The following SLIT3 variants were observed in gnomAD, a reference collection of about 807,000 sequenced individuals.
SLIT3 encodes slit guidance ligand 3, also known as slit homolog 3 protein.
SLIT3 carries 68 observed loss-of-function variants against 184.0 expected under a neutral mutation model. The ratio of observed to expected loss-of-function variants is 0.37; its 90% CI spans 0.30 to 0.45. The LOEUF is 0.45. Ranked by LOEUF, SLIT3 falls within the 20% of genes least tolerant of loss-of-function variation. SLIT3 has a pLI of 1.00. For missense variants in SLIT3, 1,707 were observed against 2,026.0 expected (o/e 0.84, Z 3.02); for synonymous variants, 831 against 828.6 (o/e 1.00, Z -0.05).
intron 4 of SLIT3, among the ~76,000 whole-genome samples, chr5:168,988,886 C>T (rs1755222585): frequency 6.6e-6 from 1 of 152,192 alleles, no homozygotes; most frequent in Non-Finnish European, 1.5e-5. Context: ...GCACACCACT[C>T]TCCCCATCTC....
intron 4 of SLIT3, among the ~76,000 whole-genome samples, chr5:168,922,758 T>C (rs1761680952): frequency 6.6e-6 from 1 of 152,050 alleles, no homozygotes; most frequent in African/African-American, 2.4e-5. Context: ...TATCAACTGA[T>C]GATAAGGGAG....
intron 20 of SLIT3, among the ~76,000 whole-genome samples, chr5:168,732,824 G>A (rs1763327454): frequency 6.6e-6 from 1 of 152,074 alleles, no homozygotes; most frequent in South Asian, 2.1e-4. Context: ...AACTCACAAT[G>A]AATTAAAGGC....
At chr5:169,115,902 G>A (rs534009683) in intron 4 of SLIT3, among the ~76,000 whole-genome samples, 1 of 152,294 alleles carries the variant, frequency 6.6e-6, no homozygotes, top group South Asian at 2.1e-4. Flanking sequence ...GGGCCACCCA[G>A]CATATCAGGC....
intron 1 of SLIT3, among the ~76,000 whole-genome samples, chr5:169,277,672 G>GT (rs566825750): frequency 1.9e-3 from 294 of 152,244 alleles, no homozygotes; most frequent in Non-Finnish European, 3.8e-3. Flanking sequence ...GACACTTGGG[G>GT]TTTTTTTCCA....
intron 4 of SLIT3, among the ~76,000 whole-genome samples, chr5:169,173,451 C>T (rs4868339): frequency 0.094 from 14,275 of 152,154 alleles, 839 homozygotes; most frequent in South Asian, 0.15. Flanking sequence ...AGAATTCCAT[C>T]GAGTCCCTCC....
intron 4 of SLIT3, among the ~76,000 whole-genome samples, chr5:169,011,503 G>GTGATTTATGGAGA (rs1756152006): frequency 6.6e-6 from 1 of 152,152 alleles, no homozygotes; most frequent in Non-Finnish European, 1.5e-5. Context: ...ATTTATGGAG[G>GTGATTTATGGAGA]TGATTTATGG....
At chr5:168,885,949 A>C (rs1328739544) in intron 4 of SLIT3, among the ~76,000 whole-genome samples, 4 of 152,314 alleles carry the variant, frequency 2.6e-5, no homozygotes, top group Admixed American at 2.0e-4. Flanking sequence ...CCACACAGGC[A>C]AAATCCTGCA....
At chr5:169,226,362 C>T (rs1045874658) in intron 3 of SLIT3, among the ~76,000 whole-genome samples, 4 of 152,078 alleles carry the variant, frequency 2.6e-5, no homozygotes, top group African/African-American at 9.7e-5. Context: ...ACCCTTCCCA[C>T]TTCCAGGATT....
intron 4 of SLIT3, among the ~76,000 whole-genome samples, chr5:168,943,285 C>T (rs1762378951): frequency 6.6e-6 from 1 of 152,126 alleles, no homozygotes; most frequent in Non-Finnish European, 1.5e-5. Flanking sequence ...GTAAAATTTT[C>T]CCGAGTTCAA....
chr5:168,706,430 G>A (rs2113301426), intron 26 of SLIT3: 1 of 152,192 alleles, frequency 6.6e-6, no homozygotes, highest in African/African-American at 2.4e-5. Flanking sequence ...TCCATACAAG[G>A]GAGTTTGAGA....
intron 4 of SLIT3, among the ~76,000 whole-genome samples, chr5:168,937,823 C>G (rs1762207511): frequency 6.6e-6 from 1 of 152,158 alleles, no homozygotes; most frequent in African/African-American, 2.4e-5. Context: ...TGGTGCCTAG[C>G]ACAGCACGTG....
intron 4 of SLIT3, among the ~76,000 whole-genome samples, chr5:169,152,753 A>G (rs1389516534): frequency 6.6e-6 from 1 of 152,184 alleles, no homozygotes; most frequent in Non-Finnish European, 1.5e-5. Flanking sequence ...ACTCAGAAAT[A>G]TAGGGAATAA....
intron 4 of SLIT3, among the ~76,000 whole-genome samples, chr5:168,973,475 G>A (rs1449806401): frequency 2.6e-5 from 4 of 152,092 alleles, no homozygotes; most frequent in East Asian, 1.9e-4. Context: ...CTTGAACTCC[G>A]ATCTCAGGTG....
chr5:169,170,353 CAAGG>C (rs1762778277), intron 4 of SLIT3, among the ~76,000 whole-genome samples: 1 of 152,116 alleles, frequency 6.6e-6, no homozygotes, highest in Admixed American at 6.5e-5. Context: ...CAAAGGCAAC[CAAGG>C]AAGAGAGAGC....
intron 3 of SLIT3, among the ~76,000 whole-genome samples, chr5:169,204,722 C>G (rs1470934992): frequency 6.6e-6 from 1 of 152,150 alleles, no homozygotes; most frequent in African/African-American, 2.4e-5. Context: ...TGGAGGGTCT[C>G]TTCTGACCAC....
chr5:168,811,861 G>T (rs1022676269), intron 8 of SLIT3, among the ~76,000 whole-genome samples: 23 of 152,178 alleles, frequency 1.5e-4, no homozygotes, highest in African/African-American at 5.3e-4. Context: ...CTACTACTGG[G>T]TACATATCCA....
At chr5:169,095,783 T>C (rs1028639835) in intron 4 of SLIT3, among the ~76,000 whole-genome samples, 5 of 152,216 alleles carry the variant, frequency 3.3e-5, no homozygotes, top group African/African-American at 9.6e-5. Flanking sequence ...GCACTTGTGG[T>C]TCCTTGACAT....
intron 5 of SLIT3, among the ~76,000 whole-genome samples, chr5:168,879,573 T>C (rs1759875355): frequency 1.3e-5 from 2 of 152,228 alleles, no homozygotes; most frequent in African/African-American, 4.8e-5. Context: ...ATTACTCACA[T>C]GAGTTTTTCT....
At chr5:169,123,114 C>G (rs1188264967) in intron 4 of SLIT3, among the ~76,000 whole-genome samples, 1 of 151,832 alleles carries the variant, frequency 6.6e-6, no homozygotes, top group African/African-American at 2.4e-5. Flanking sequence ...AAAAACTGCA[C>G]CAAAATCAAC....
Sources: allele counts gnomAD v4.1 joint callset (sites outside exome capture counted in the v4.1 genomes callset), GRCh38; gene constraint gnomAD v4.1.1; transcripts MANE v1.5; gene names NCBI Gene and HGNC (gene_info 2026-07-23, HGNC 2026-07-21).